Variants in UGP2 observed in about 807,000 individuals in gnomAD.
The protein encoded by UGP2 is UDP-glucose pyrophosphorylase 2.
UGP2 carries 40 observed loss-of-function variants against 49.0 expected under a neutral mutation model. That is an observed-to-expected ratio of 0.82 (90% CI 0.63 to 1.06). UGP2 has a LOEUF of 1.06. Among genes scored for constraint, UGP2 ranks in the 50% least tolerant of loss-of-function variants. The pLI is 0.00. For synonymous variants in UGP2, 225 were observed against 213.0 expected (o/e 1.06, Z -0.49); for missense variants, 460 against 603.5 (o/e 0.76, Z 2.49).
chr2:63,846,884 C>A (rs1294616733), intron 1 of UGP2, among the ~76,000 whole-genome samples: 2 of 152,040 alleles, frequency 1.3e-5, no homozygotes, highest in African/African-American at 4.8e-5. Flanking sequence ...TTTTAAAGAT[C>A]TGATTTAAGA....
chr2:63,875,416 T>C (rs1670845190), intron 3 of UGP2, among the ~76,000 whole-genome samples: 2 of 152,234 alleles, frequency 1.3e-5, no homozygotes, highest in African/African-American at 2.4e-5. Flanking sequence ...TACCAAGAAC[T>C]GGGTTATCCT....
chr2:63,889,907 C>T lies in UGP2; in HGVS notation c.1315-174C>T, dbSNP rs189542105. ...ACAATGTTTGTAGCTCCTGGTCTTT[C>T]CTGCACGGCATTTAGCATATAATGA... On this transcript the variant is annotated intron_variant, in intron 8 of 9. Transcript: ENST00000337130. 1.0e-3 allele frequency: 554 copies of T among 553,660 alleles called. 1 individual carries two copies. The highest frequency in any genetic ancestry group is 8.7e-4 in the Non-Finnish European group (276 of 315,846). 34.3% of individuals were successfully genotyped at this position (553,660 alleles called of 1,614,324 possible).
chr2:63,887,431 A>G lies in UGP2; in HGVS notation c.1101A>G (p.Gln367=), dbSNP rs752208825. Residue 367 remains glutamine (Q), a synonymous_variant, in exon 8 of 10, where the codon CAA becomes CAG. Transcript: ENST00000337130. ...TGGATGGAGGCCTGAATGTCATTCA[A>G]TTAGAAACTGCAGTAGGGGCTGCCA... ...KTLDGGLNVI[Q]LETAVGAAIK... The G allele has an allele frequency of 1.5e-5, 24 of 1,613,978 alleles. No homozygotes were observed. The highest frequency in any genetic ancestry group is 8.0e-5 in the African/African-American group (6 of 74,898).
At chr2:63,859,276 T>A (rs987761108) in intron 3 of UGP2, 1 of 152,190 alleles carries the variant, frequency 6.6e-6, no homozygotes, top group Non-Finnish European at 1.5e-5. Context: ...ATTACAGACA[T>A]GAACCACTGT....
At chr2:63,863,655 A>G (rs1427948876) in intron 3 of UGP2, among the ~76,000 whole-genome samples, 1 of 152,240 alleles carries the variant, frequency 6.6e-6, no homozygotes, top group Admixed American at 6.5e-5. Flanking sequence ...AGTTGCAAAG[A>G]TACACTATTT....
intron 2 of UGP2, chr2:63,856,708 C>T (rs1422246331): frequency 1.0e-5 from 5 of 498,464 alleles, no homozygotes; most frequent in African/African-American, 1.9e-5. Context: ...GTTTTGATGT[C>T]ATTGGGTGGA....
At chr2:63,873,146 TACAACTA>T (rs1670672522) in intron 3 of UGP2, among the ~76,000 whole-genome samples, 1 of 152,208 alleles carries the variant, frequency 6.6e-6, no homozygotes, top group African/African-American at 2.4e-5. Flanking sequence ...ACAGGCTGCA[TACAACTA>T]ACAGAACAAA....
At chr2:63,869,088 CCATT>C (rs1225849824) in intron 3 of UGP2, among the ~76,000 whole-genome samples, 17 of 152,114 alleles carry the variant, frequency 1.1e-4, no homozygotes, top group East Asian at 5.8e-4. Context: ...ATAAAACCCT[CCATT>C]CATCTAGTTT....
Position 63,885,718 on chromosome 2 carries a change from G to A in UGP2, c.705G>A (p.Leu235=). 1 of 1,613,914 alleles carries A rather than the reference G, an allele frequency of 6.2e-7. No homozygotes were observed. The highest frequency in any genetic ancestry group is 8.5e-7 in the Non-Finnish European group (1 of 1,179,944). ...ACGCCAGTTTCTACAACTCTGGATT[G>A]CTTGATACCTTTATAGGAGAAGGCA... ...DIYASFYNSG[L]LDTFIGEGKE... Residue 235 remains leucine, a synonymous_variant, in exon 6 of 10, where the codon TTG becomes TTA. Transcript: ENST00000337130.
chr2:63,890,008 T>C (rs910156990), intron 8 of UGP2, 73 bp from the exon 9 acceptor site: 20 of 1,200,282 alleles, frequency 1.7e-5, no homozygotes, highest in Non-Finnish European at 2.4e-5. Flanking sequence ...AGTTAAACTT[T>C]CTTGTTAATA....
intron 1 of UGP2, 157 bp downstream of exon 1, chr2:63,842,361 G>T (rs1359812774): frequency 4.4e-6 from 7 of 1,602,196 alleles, no homozygotes; most frequent in Non-Finnish European, 5.1e-6. Context: ...GCCTTGAGCT[G>T]CTGGGTTGAC....
chr2:63,886,317 ACT>A, intron 6 of UGP2, 22 bp from the exon 7 acceptor site: 1 of 1,611,240 alleles, frequency 6.2e-7, no homozygotes, highest in Non-Finnish European at 8.5e-7. Flanking sequence ...ATGTGGAGGC[ACT>A]CACTATTTTC....
chr2:63,872,217 A>G (rs1438347634), intron 3 of UGP2, among the ~76,000 whole-genome samples: 3 of 152,218 alleles, frequency 2.0e-5, no homozygotes, highest in Admixed American at 1.3e-4. Flanking sequence ...TAGAAATTCA[A>G]TACTATATTT....
At chr2:63,865,029 A>G (rs975030581) in intron 3 of UGP2, among the ~76,000 whole-genome samples, 9 of 152,198 alleles carry the variant, frequency 5.9e-5, no homozygotes, top group African/African-American at 1.4e-4. Flanking sequence ...GCTTACCCCC[A>G]ACAGTCACAT....
chr2:63,877,999 CAAAAAAAAAAAAAAAA>C (rs61669991), intron 3 of UGP2, among the ~76,000 whole-genome samples: 5 of 67,908 alleles, frequency 7.4e-5, no homozygotes, highest in South Asian at 6.4e-4. Flanking sequence ...GACTCCGTCT[CAAAAAAAAAAAAAAAA>C]AAAAAAAAAA....
intron 3 of UGP2, among the ~76,000 whole-genome samples, chr2:63,860,136 TA>T (rs77146718): frequency 6.6e-6 from 1 of 151,706 alleles, no homozygotes; most frequent in Non-Finnish European, 1.5e-5. Context: ...GGTCTTTTTT[TA>T]AAAAAAATGC....
At chr2:63,856,013 T>G in intron 1 of UGP2, 1 of 259,192 alleles carries the variant, frequency 3.9e-6, no homozygotes, top group South Asian at 5.7e-5. Flanking sequence ...AACCAGAAGA[T>G]GGCAGGCAGC....
intron 1 of UGP2, among the ~76,000 whole-genome samples, chr2:63,842,999 ACT>A (rs776559907): frequency 2.0e-5 from 3 of 151,986 alleles, no homozygotes; most frequent in Non-Finnish European, 2.9e-5. Context: ...ATGCAAGTAA[ACT>A]CTTTCCTTGT....
rs1437372077 is a variant in UGP2 at position 63,856,422 on chromosome 2, C to G, written c.136C>G (p.His46Asp). 6.2e-7 allele frequency: 1 copy of G among 1,612,060 alleles called. No individual in the cohort carries two copies. The highest frequency in any genetic ancestry group is 1.1e-5 in the South Asian group (1 of 91,042). Residue 46 changes from histidine (H) to aspartate (D), a missense_variant, in exon 2 of 10, where the codon CAT becomes GAT. Coordinates refer to ENST00000337130, the MANE Select transcript of UGP2 (RefSeq NM_006759.4). Reference sequence around the variant, plus strand: ...AAAAATACTCACCACAGCATCATCACATGAATTTGAGGTAAGGAGGTTTCT... The same window carrying G: ...AAAAATACTCACCACAGCATCATCAGATGAATTTGAGGTAAGGAGGTTTCT... Reference protein sequence around the residue: ...LEKILTTASSHEFEHTKKDLD... With the variant: ...LEKILTTASSDEFEHTKKDLD...
Sources: allele counts gnomAD v4.1 joint callset (sites outside exome capture counted in the v4.1 genomes callset), GRCh38; gene constraint gnomAD v4.1.1; transcripts MANE v1.5; gene names NCBI Gene and HGNC (gene_info 2026-07-23, HGNC 2026-07-21).